CEP112: variants seen among roughly 807,000 people sequenced by gnomAD.
CEP112 encodes the protein centrosomal protein 112.
CEP112 carries 127 observed loss-of-function variants against 153.0 expected under a neutral mutation model. That is an observed-to-expected ratio of 0.83 (90% CI 0.72 to 0.96). The LOEUF is 0.96. Among genes scored for constraint, CEP112 ranks in the 40% least tolerant of loss-of-function variants. The pLI, the probability that CEP112 is intolerant of heterozygous loss-of-function variation, is 0.00. For synonymous variants in CEP112, 358 were observed against 374.4 expected (o/e 0.96, Z 0.51); for missense variants, 1,089 against 1,101.2 (o/e 0.99, Z 0.16).
intron 4 of CEP112, among the ~76,000 whole-genome samples, chr17:66,136,838 C>T (rs540484949): frequency 5.1e-4 from 77 of 152,178 alleles, no homozygotes; most frequent in Middle Eastern, 6.8e-3. Context: ...AAGACATATC[C>T]ACAGAAAAAG....
intron 20 of CEP112, among the ~76,000 whole-genome samples, chr17:65,857,925 G>A (rs2058179707): frequency 1.3e-5 from 2 of 152,144 alleles, no homozygotes; most frequent in South Asian, 4.1e-4. Flanking sequence ...TTTTCTGATG[G>A]TTATAGGATG....
intron 18 of CEP112, among the ~76,000 whole-genome samples, chr17:65,951,244 A>T (rs2061818848): frequency 6.6e-6 from 1 of 152,188 alleles, no homozygotes; most frequent in Non-Finnish European, 1.5e-5. Flanking sequence ...TACTGGCCTC[A>T]CAGAATTAAC....
At chr17:65,940,160 A>G (rs973924332) in intron 18 of CEP112, among the ~76,000 whole-genome samples, 2 of 152,194 alleles carry the variant, frequency 1.3e-5, no homozygotes, top group African/African-American at 4.8e-5. Flanking sequence ...CTAATTAGGG[A>G]AATGCCAGTT....
chr17:65,735,672 A>C (rs1356661999), intron 23 of CEP112, among the ~76,000 whole-genome samples: 1 of 152,236 alleles, frequency 6.6e-6, no homozygotes, highest in Non-Finnish European at 1.5e-5. Context: ...GTAGTGAAGA[A>C]AATAATGACT....
chr17:65,985,569 CAGA>C (rs941487397), intron 17 of CEP112, among the ~76,000 whole-genome samples: 1 of 152,084 alleles, frequency 6.6e-6, no homozygotes, highest in Non-Finnish European at 1.5e-5. Flanking sequence ...ATAAAAGCTT[CAGA>C]AGAAGTTGTC....
intron 24 of CEP112, among the ~76,000 whole-genome samples, chr17:65,656,119 A>G (rs1381602844): frequency 6.6e-6 from 1 of 152,154 alleles, no homozygotes; most frequent in Non-Finnish European, 1.5e-5. Context: ...CATTATCTGG[A>G]GCCATAACTA....
At chr17:65,977,349 A>G (rs8074256) in intron 17 of CEP112, among the ~76,000 whole-genome samples, 151,674 of 152,266 alleles carry the variant, frequency 1, 75,543 homozygotes, top group Middle Eastern at 1. Context: ...TCAGTCTCGC[A>G]GTTTTCCAGT....
chr17:66,154,116 T>C (rs1020556229), intron 4 of CEP112, among the ~76,000 whole-genome samples: 2 of 151,116 alleles, frequency 1.3e-5, no homozygotes, highest in African/African-American at 4.9e-5. Context: ...GAGGTGGAGG[T>C]TGCAGTGAGC....
chr17:66,150,893 T>G (rs1233513490), intron 4 of CEP112, among the ~76,000 whole-genome samples: 1 of 152,246 alleles, frequency 6.6e-6, no homozygotes, highest in Non-Finnish European at 1.5e-5. Context: ...TACACATTTA[T>G]AATCATTACA....
chr17:65,863,881 C>T (rs1464490247), intron 20 of CEP112, among the ~76,000 whole-genome samples: 7 of 151,730 alleles, frequency 4.6e-5, no homozygotes, highest in African/African-American at 2.4e-5. Context: ...CAGTGGCTCA[C>T]GCCTGTAATC....
At chr17:65,662,606 A>G (rs1179140419) in intron 24 of CEP112, among the ~76,000 whole-genome samples, 2 of 152,234 alleles carry the variant, frequency 1.3e-5, no homozygotes, top group Non-Finnish European at 2.9e-5. Flanking sequence ...TTCATGGTAA[A>G]GAGTAAAAAG....
At chr17:65,651,170 C>T (rs530676284) in intron 24 of CEP112, among the ~76,000 whole-genome samples, 24 of 152,288 alleles carry the variant, frequency 1.6e-4, no homozygotes, top group Non-Finnish European at 3.1e-4. Context: ...CTCCCACTTA[C>T]GAGTGAGAAC....
At position 66,096,569 on chromosome 17, in the gene CEP112, T is replaced by G. The variant is rs755781253; in HGVS notation, c.690+16A>C. The G allele has an allele frequency of 1.3e-6, 2 of 1,561,684 alleles. No individual in the cohort carries two copies. The highest frequency in any genetic ancestry group is 1.8e-6 in the Non-Finnish European group (2 of 1,138,448). The stretch of plus-strand genomic sequence containing the variant: ...ATACCTGCCCCTAGAAAAAGTCCAA[T>G]GGATTTCTCACATACCAGAGAAACT... On this transcript the variant is annotated intron_variant, in intron 7 of 26. Coordinates refer to ENST00000535342, the MANE Select transcript of CEP112 (RefSeq NM_001199165.4).
intron 21 of CEP112, among the ~76,000 whole-genome samples, chr17:65,813,844 A>G (rs2056120322): frequency 6.6e-6 from 1 of 152,186 alleles, no homozygotes; most frequent in Non-Finnish European, 1.5e-5. Context: ...TCTGTGTTGT[A>G]TCTGACTTTA....
chr17:66,029,502 G>C (rs1251415247), intron 13 of CEP112, among the ~76,000 whole-genome samples: 1 of 152,052 alleles, frequency 6.6e-6, no homozygotes, highest in Non-Finnish European at 1.5e-5. Flanking sequence ...TTTGAGACCA[G>C]CCTGGGCAAC....
intron 21 of CEP112, among the ~76,000 whole-genome samples, chr17:65,811,502 T>C (rs1397262777): frequency 6.6e-6 from 1 of 152,148 alleles, no homozygotes; most frequent in Non-Finnish European, 1.5e-5. Flanking sequence ...TTAAAGACTC[T>C]AGTCATACCC....
intron 11 of CEP112, among the ~76,000 whole-genome samples, chr17:66,059,375 G>A (rs2066831879): frequency 6.6e-6 from 1 of 151,960 alleles, no homozygotes; most frequent in Non-Finnish European, 1.5e-5. Flanking sequence ...TCACAGAATG[G>A]GAGAAAATAT....
intron 8 of CEP112, among the ~76,000 whole-genome samples, chr17:66,087,596 T>C (rs2009112640): frequency 6.6e-6 from 1 of 152,140 alleles, no homozygotes; most frequent in Non-Finnish European, 1.5e-5. Flanking sequence ...GACTAGGACT[T>C]TCAAGCCCTC....
At chr17:65,839,067 C>G (rs575942162) in intron 21 of CEP112, among the ~76,000 whole-genome samples, 1 of 152,164 alleles carries the variant, frequency 6.6e-6, no homozygotes, top group Non-Finnish European at 1.5e-5. Flanking sequence ...TGAATTCCAC[C>G]AAACATTTGA....
Sources: allele counts gnomAD v4.1 joint callset (sites outside exome capture counted in the v4.1 genomes callset), GRCh38; gene constraint gnomAD v4.1.1; transcripts MANE v1.5; gene names NCBI Gene and HGNC (gene_info 2026-07-23, HGNC 2026-07-21).